Variants in CSMD3 observed in about 807,000 individuals in gnomAD.
CSMD3 encodes CUB and sushi domain-containing protein 3.
A neutral mutation model predicts 435.2 loss-of-function variants in CSMD3; 177 were observed. The ratio of observed to expected loss-of-function variants is 0.41; its 90% CI spans 0.36 to 0.46. The LOEUF is 0.46. CSMD3 is among the 20% of genes least tolerant of loss of function. The probability of loss-of-function intolerance (pLI) is 0.34; values close to 1 mark genes in which losing one functional copy is unlikely to be tolerated. For missense variants in CSMD3, 4,265 were observed against 4,504.6 expected, an observed-to-expected ratio of 0.95 and a Z score of 1.52; for synonymous variants, 1,656 against 1,520.5, an observed-to-expected ratio of 1.09 and a Z score of -2.07.
intron 32 of CSMD3, among the ~76,000 whole-genome samples, chr8:112,414,399 C>T (rs1393818817): frequency 1.3e-5 from 2 of 152,164 alleles, no homozygotes; most frequent in East Asian, 1.9e-4. Flanking sequence ...CACCCTGTGT[C>T]CTGCTGCCAC....
At chr8:112,336,284 C>T (rs1444231332) in intron 44 of CSMD3, among the ~76,000 whole-genome samples, 2 of 152,148 alleles carry the variant, frequency 1.3e-5, no homozygotes, top group African/African-American at 4.8e-5. Context: ...CAGAAATCCA[C>T]TAGTTATATT....
In CSMD3 at chr8:112,234,575, T is replaced by C. The variant is rs1813399377; in HGVS notation, c.10628-98A>G. The stretch of plus-strand genomic sequence containing the variant: ...CCTTAAATAGATTATGTAAGATATG[T>C]AATTAAAAAAAGAAATAAAACAAGG... On this transcript the variant is annotated intron_variant, in intron 67 of 70. Coordinates refer to ENST00000297405, the MANE Select transcript of CSMD3 (RefSeq NM_198123.2). 9 of 772,250 alleles carry C rather than the reference T, an allele frequency of 1.2e-5. No homozygotes were observed. In the South Asian group the frequency reaches 1.3e-4, roughly 11 times the overall value. The allele number at this position is 772,250 out of a possible 1,614,324, so 47.8% of individuals were successfully genotyped here.
At chr8:113,173,318 TTTTTG>T (rs2092297905) in intron 4 of CSMD3, among the ~76,000 whole-genome samples, 1 of 151,990 alleles carries the variant, frequency 6.6e-6, no homozygotes, top group Admixed American at 6.6e-5. Flanking sequence ...ATCCTTTAGG[TTTTTG>T]TTTTGTTTTG....
intron 2 of CSMD3, among the ~76,000 whole-genome samples, chr8:113,292,094 T>C (rs2093690297): frequency 1.3e-5 from 2 of 151,746 alleles, no homozygotes; most frequent in African/African-American, 2.4e-5. Context: ...TTTAAAAGAA[T>C]GTTTACAGTT....
At chr8:112,985,165 G>T (rs2085209246) in intron 6 of CSMD3, among the ~76,000 whole-genome samples, 1 of 151,982 alleles carries the variant, frequency 6.6e-6, no homozygotes, top group South Asian at 2.1e-4. Flanking sequence ...CCTTAGATTT[G>T]CTTACACAAA....
At chr8:112,546,032 A>G (rs1401551488) in intron 27 of CSMD3, among the ~76,000 whole-genome samples, 2 of 152,184 alleles carry the variant, frequency 1.3e-5, no homozygotes, top group African/African-American at 4.8e-5. Flanking sequence ...AAATGACTAA[A>G]ATTGTACAAA....
intron 13 of CSMD3, among the ~76,000 whole-genome samples, chr8:112,763,124 A>G (rs976246949): frequency 2.6e-5 from 4 of 151,818 alleles, no homozygotes; most frequent in African/African-American, 9.7e-5. Context: ...TCCACAATGT[A>G]CATATATTTC....
chr8:112,883,303 C>T (rs1406743024), intron 10 of CSMD3, among the ~76,000 whole-genome samples: 4 of 151,788 alleles, frequency 2.6e-5, no homozygotes, highest in African/African-American at 7.3e-5. Flanking sequence ...GAATATAAAT[C>T]GTTGGTTTGT....
chr8:113,377,459 G>C (rs2094393137), intron 1 of CSMD3, among the ~76,000 whole-genome samples: 1 of 152,054 alleles, frequency 6.6e-6, no homozygotes, highest in Non-Finnish European at 1.5e-5. Flanking sequence ...GTGAAATCTA[G>C]AGAACTAACA....
chr8:113,313,400 C>T (rs2093885302), intron 2 of CSMD3: 1 of 152,016 alleles, frequency 6.6e-6, no homozygotes, highest in Non-Finnish European at 1.5e-5. Context: ...TGGCTCGCTG[C>T]AAGCTCCGCC....
At chr8:112,954,304 T>C (rs1403428688) in intron 8 of CSMD3, among the ~76,000 whole-genome samples, 1 of 151,558 alleles carries the variant, frequency 6.6e-6, no homozygotes, top group East Asian at 1.9e-4. Context: ...AAAGCACTTA[T>C]GTTGAAATTA....
intron 3 of CSMD3, among the ~76,000 whole-genome samples, chr8:113,199,544 A>G (rs2132024022): frequency 6.6e-6 from 1 of 151,912 alleles, no homozygotes; most frequent in Admixed American, 6.6e-5. Flanking sequence ...TTTTTTAACT[A>G]ATACATTTTA....
At chr8:112,593,948 T>G (rs1055324550) in intron 22 of CSMD3, among the ~76,000 whole-genome samples, 2 of 152,318 alleles carry the variant, frequency 1.3e-5, no homozygotes, top group African/African-American at 4.8e-5. Context: ...GTTTTTTGGT[T>G]AGTTTTGAAT....
intron 11 of CSMD3, 96 bp from the exon 12 acceptor site, chr8:112,829,885 GCACACACACACA>G (rs57982384): frequency 0.072 from 42,089 of 588,078 alleles, 746 homozygotes; most frequent in East Asian, 0.13. Flanking sequence ...TTGTCTCTCT[GCACACACACACA>G]CACACACACA....
intron 13 of CSMD3, among the ~76,000 whole-genome samples, chr8:112,711,517 C>T (rs2076609419): frequency 6.6e-6 from 1 of 151,998 alleles, no homozygotes; most frequent in Non-Finnish European, 1.5e-5. Flanking sequence ...ATCTAATATG[C>T]TATTTTATCT....
At chr8:112,641,136 A>G (rs1234076332) in intron 20 of CSMD3, among the ~76,000 whole-genome samples, 1 of 152,096 alleles carries the variant, frequency 6.6e-6, no homozygotes, top group African/African-American at 2.4e-5. Context: ...AGAAAGCGTT[A>G]TTGCTATTGA....
At chr8:112,308,764 T>C (rs1563769549) in intron 50 of CSMD3, among the ~76,000 whole-genome samples, 1 of 152,028 alleles carries the variant, frequency 6.6e-6, no homozygotes, top group South Asian at 2.1e-4. Context: ...CAAATAGATA[T>C]AGCTGACTAA....
chr8:113,350,385 A>G (rs1263900510), intron 1 of CSMD3, among the ~76,000 whole-genome samples: 1 of 152,190 alleles, frequency 6.6e-6, no homozygotes, highest in Non-Finnish European at 1.5e-5. Flanking sequence ...GACCTAAAAT[A>G]AAGATATTTC....
At chr8:112,342,378 CTTAA>C (rs1022354048) in intron 41 of CSMD3, among the ~76,000 whole-genome samples, 4 of 151,884 alleles carry the variant, frequency 2.6e-5, no homozygotes, top group Admixed American at 6.6e-5. Context: ...AGTATATTTG[CTTAA>C]TTAATTTAAC....
Sources: allele counts gnomAD v4.1 joint callset (sites outside exome capture counted in the v4.1 genomes callset), GRCh38; gene constraint gnomAD v4.1.1; transcripts MANE v1.5; gene names NCBI Gene and HGNC (gene_info 2026-07-23, HGNC 2026-07-21).